The following R3HDM2 variants were observed in gnomAD, a reference collection of about 807,000 sequenced individuals.
R3HDM2 encodes R3H domain containing 2, also known as R3H domain-containing protein 2.
Under a neutral mutation model 124.5 loss-of-function variants are expected in R3HDM2, and 38 were observed. That is an observed-to-expected ratio of 0.31 (90% CI 0.24 to 0.40). The LOEUF is 0.40. Among genes scored for constraint, R3HDM2 ranks in the 10% least tolerant of loss-of-function variants. The probability of loss-of-function intolerance (pLI) is 1.00; values close to 1 mark genes in which losing one functional copy is unlikely to be tolerated. For missense variants in R3HDM2, 869 were observed against 1,236.9 expected (o/e 0.70, Z 4.46); for synonymous variants, 391 against 448.0 (o/e 0.87, Z 1.61).
At chr12:57,289,749 G>A (rs890295183) in intron 11 of R3HDM2, among the ~76,000 whole-genome samples, 1 of 152,238 alleles carries the variant, frequency 6.6e-6, no homozygotes, top group African/African-American at 2.4e-5. Flanking sequence ...CCTATGCTGG[G>A]CAGCTTTTCC....
chr12:57,268,320 A>G lies in R3HDM2; in HGVS notation c.2013T>C (p.Ala671=). Residue 671 remains alanine, a synonymous_variant, in exon 18 of 24, where the codon GCT becomes GCC. Transcript: ENST00000402412. The part of the protein sequence containing the change: ...VPVYYSMIPP[A]QQNGTSPSVG... Reference sequence around the variant, plus strand: ...GTCCTCACCTCGTACCGTTCTGCTGAGCAGGTGGGATCATGCTATAGTACA... The same window carrying G: ...GTCCTCACCTCGTACCGTTCTGCTGGGCAGGTGGGATCATGCTATAGTACA... The G allele has an allele frequency of 6.2e-7, 1 of 1,613,882 alleles. No individual in the cohort carries two copies. The highest frequency in any genetic ancestry group is 8.5e-7 in the Non-Finnish European group (1 of 1,179,896).
chr12:57,289,061 G>T, intron 11 of R3HDM2, 21 bp from the exon 12 acceptor site: 1 of 1,537,454 alleles, frequency 6.5e-7, no homozygotes, highest in Non-Finnish European at 8.8e-7. Flanking sequence ...GGGAGAAAAC[G>T]GAAAATAACT....
In R3HDM2 at chr12:57,318,147, G is replaced by A. The variant is rs138081316; in HGVS notation, c.-35-7684C>T. Among the ~76,000 whole-genome samples the A allele has an allele frequency of 8.6e-5, 13 of 150,326 alleles. No homozygotes were observed. In the East Asian group the frequency reaches 2.2e-3, roughly 25 times the overall value. ...TCTACTAAAAATACAAAAATTAGCCGGGCATGGTGGGGTGTCTGCCTGTAA... is the reference window on the plus strand; with the variant it reads ...TCTACTAAAAATACAAAAATTAGCCAGGCATGGTGGGGTGTCTGCCTGTAA... On this transcript the variant is annotated intron_variant, in intron 2 of 23. Transcript: ENST00000402412.
At position 57,295,382 on chromosome 12, in the gene R3HDM2, C is replaced by T. The variant is rs1295333260; in HGVS notation, c.810+17G>A. 2.0e-6 allele frequency: 3 copies of T among 1,516,328 alleles called. No individual in the cohort carries two copies. In the Admixed American group the frequency reaches 5.9e-5, roughly 30 times the overall value. The allele number at this position is 1,516,328 out of a possible 1,614,324, so 93.9% of individuals were successfully genotyped here. ...CTGCAAACTCTCTATATAGGCCCACCCCTTTCCATTCTTCACCTGGTTATC... is the reference window on the plus strand; with the variant it reads ...CTGCAAACTCTCTATATAGGCCCACTCCTTTCCATTCTTCACCTGGTTATC... On this transcript the variant is annotated intron_variant, in intron 10 of 23. Transcript: ENST00000402412.
intron 2 of R3HDM2, among the ~76,000 whole-genome samples, chr12:57,344,810 C>A (rs1410010733): frequency 1.3e-5 from 2 of 151,834 alleles, no homozygotes; most frequent in Non-Finnish European, 2.9e-5. Flanking sequence ...AGGAAAAAAA[C>A]TTCTCCTGTT....
At chr12:57,375,973 G>A (rs1417400392) in intron 2 of R3HDM2, among the ~76,000 whole-genome samples, 19 of 152,144 alleles carry the variant, frequency 1.2e-4, no homozygotes, top group Non-Finnish European at 2.6e-4. Flanking sequence ...TGCCCAGCCA[G>A]ATCAGCTGCT....
At chr12:57,429,690 G>A (rs949365967) in intron 1 of R3HDM2, among the ~76,000 whole-genome samples, 2 of 144,372 alleles carry the variant, frequency 1.4e-5, no homozygotes, top group South Asian at 4.7e-4. Context: ...TCCATTCTGG[G>A]TGACAGACTG....
intron 19 of R3HDM2, among the ~76,000 whole-genome samples, chr12:57,260,257 C>T (rs2040347797): frequency 1.2e-4 from 2 of 16,388 alleles, no homozygotes; most frequent in South Asian, 2.2e-3. Flanking sequence ...GAATGAGACC[C>T]TGCCTCAAAA....
intron 19 of R3HDM2, among the ~76,000 whole-genome samples, chr12:57,261,947 C>G (rs144955875): frequency 6.6e-6 from 1 of 152,178 alleles, no homozygotes; most frequent in African/African-American, 2.4e-5. Context: ...ATCATTAAAC[C>G]TGGGCAGAAA....
At chr12:57,424,966 AT>A (rs1405389947) in intron 1 of R3HDM2, among the ~76,000 whole-genome samples, 5 of 152,270 alleles carry the variant, frequency 3.3e-5, no homozygotes, top group South Asian at 4.1e-4. Context: ...TCTCAAAAAA[AT>A]AAATAAATAA....
rs751961050 is a variant in R3HDM2 at position 57,280,421 on chromosome 12, T to TTGCTGC, written c.1275_1280dup (p.Gln426_Gln427dup). 1 of 1,612,674 alleles carries TTGCTGC rather than the reference T, an allele frequency of 6.2e-7. No homozygotes were observed. Among genetic ancestry groups the TTGCTGC allele is most frequent in the South Asian group, 1.1e-5 (1 of 90,916 alleles). On this transcript the variant is annotated inframe_insertion, in exon 14 of 24. Coordinates refer to ENST00000402412, the MANE Select transcript of R3HDM2 (RefSeq NM_001394031.1). ...GAGGCGTGGGTGGGAGAGCAGGAAG[T>TTGCTGC]TGCTGCTGCTGCTGCTGCTGTTGCT...
At chr12:57,426,548 G>A (rs1048878782) in intron 1 of R3HDM2, among the ~76,000 whole-genome samples, 2 of 152,176 alleles carry the variant, frequency 1.3e-5, no homozygotes, top group Non-Finnish European at 2.9e-5. Flanking sequence ...AGTGGAACCA[G>A]CCTGCTCAGC....
intron 3 of R3HDM2, chr12:57,304,636 G>A (rs1487359898): frequency 2.3e-6 from 1 of 442,644 alleles, no homozygotes; most frequent in Middle Eastern, 1.2e-3. Context: ...AGTAAGGGAA[G>A]ATTCATAGTC....
rs144791181 is a variant in R3HDM2, at chr12:57,401,596, T to G, written c.-105-5778A>C. On this transcript the variant is annotated intron_variant, in intron 1 of 23. Transcript: ENST00000402412. ...CAGCTGACCATTGAACAAAATAGAT[T>G]TATTACGAATGATAAAAATCGAGCT... 5.7e-3 allele frequency among the ~76,000 whole-genome samples: 865 copies of G among 152,214 alleles called. 6 individuals are homozygous for G. Among genetic ancestry groups the G allele is most frequent in the African/African-American group, 0.02 (828 of 41,504 alleles).
rs781478665 is a variant in R3HDM2, at chr12:57,334,975, C to CA, written c.-35-24513dup. On this transcript the variant is annotated intron_variant, in intron 2 of 23. Coordinates refer to ENST00000402412, the MANE Select transcript of R3HDM2 (RefSeq NM_001394031.1). ...CAACATAGTGAGACCCCACCTCTACCAAAAAAAAAAAAAAAAGTTAGCTGG... is the reference window on the plus strand; with the variant it reads ...CAACATAGTGAGACCCCACCTCTACCAAAAAAAAAAAAAAAAAGTTAGCTGG... Among the ~76,000 whole-genome samples, 1,041 of 120,790 alleles carry CA rather than the reference C, an allele frequency of 8.6e-3. 7 individuals are homozygous for CA. The highest frequency in any genetic ancestry group is 0.013 in the Middle Eastern group (3 of 226). 79.2% of individuals were successfully genotyped at this position (120,790 alleles called of 152,430 possible). A position where few individuals can be genotyped will look rare whatever the true frequency, so the allele number is the denominator to read the frequency against.
At chr12:57,313,829 T>C (rs1208972171) in intron 2 of R3HDM2, among the ~76,000 whole-genome samples, 1 of 127,088 alleles carries the variant, frequency 7.9e-6, no homozygotes. Context: ...TGCAGTGGGC[T>C]ACAACCACAC....
chr12:57,396,436 G>A (rs1187988151), intron 1 of R3HDM2, among the ~76,000 whole-genome samples: 7 of 150,036 alleles, frequency 4.7e-5, no homozygotes, highest in African/African-American at 4.9e-5. Context: ...GTGAGACTCC[G>A]TCTCAAAAAA....
At chr12:57,352,019 T>C (rs1339036179) in intron 2 of R3HDM2, among the ~76,000 whole-genome samples, 1 of 152,210 alleles carries the variant, frequency 6.6e-6, no homozygotes, top group African/African-American at 2.4e-5. Flanking sequence ...TACCAAACAT[T>C]TAGCATTTAA....
chr12:57,283,278 T>C (rs1453668129), intron 13 of R3HDM2, among the ~76,000 whole-genome samples: 2 of 151,910 alleles, frequency 1.3e-5, no homozygotes, highest in Non-Finnish European at 2.9e-5. Context: ...TCAGAGAAAA[T>C]AATCTAATCA....
Sources: gnomAD v4.1 joint callset for allele counts (sites outside exome capture counted in the v4.1 genomes callset) on GRCh38, gnomAD v4.1.1 for gene constraint, MANE v1.5 for transcripts, NCBI Gene and HGNC (gene_info 2026-07-23, HGNC 2026-07-21) for gene names.